FGD2: variants seen among roughly 807,000 people sequenced by gnomAD.
FGD2 encodes FYVE, RhoGEF and PH domain containing 2.
A neutral mutation model predicts 75.9 loss-of-function variants in FGD2; 52 were observed. The ratio of observed to expected loss-of-function variants is 0.69; its 90% CI spans 0.55 to 0.86. FGD2 has a LOEUF of 0.86. Ranked by LOEUF, FGD2 falls within the 40% of genes least tolerant of loss-of-function variation. The pLI is 0.00. For synonymous variants in FGD2, 347 were observed against 348.6 expected, an observed-to-expected ratio of 1.00 and a Z score of 0.05; for missense variants, 790 against 872.0, an observed-to-expected ratio of 0.91 and a Z score of 1.18.
chr6:37,028,177 G>A lies in FGD2; in HGVS notation c.*14G>A, dbSNP rs745537508. ...CTGTCCGACTGAGCCACTGCCAGCC[G>A]CTCTCCTGCCCACCTCTCCCCACCC... On this transcript the variant is annotated 3_prime_UTR_variant, in exon 16 of 16. Transcript: ENST00000274963. 1.8e-5 allele frequency: 27 copies of A among 1,535,708 alleles called. No individual in the cohort carries two copies. Among genetic ancestry groups the A allele is most frequent in the South Asian group, 1.3e-4 (11 of 81,880 alleles).
intron 14 of FGD2, among the ~76,000 whole-genome samples, chr6:37,027,038 G>A (rs1765859394): frequency 6.6e-6 from 1 of 151,644 alleles, no homozygotes; most frequent in Admixed American, 6.6e-5. Context: ...TTTTTCCACG[G>A]GCATCCACCC....
In FGD2 at chr6:37,025,870, T is replaced by C; in HGVS notation, c.1537T>C (p.Cys513Arg). The change falls in exon 14 of 16, where the codon TGC becomes CGC. Residue 513 changes from cysteine (C) to arginine (R), a missense_variant. Cys to Arg is a radical substitution (Grantham distance 180, BLOSUM62 -3). Coordinates refer to ENST00000274963, the MANE Select transcript of FGD2 (RefSeq NM_173558.4). ...CAGGCCCAACCGAGTCTGCCTCCAC[T>C]GCTACGCATTCCTCACTGGAAATGT... is the stretch of plus-strand genomic sequence containing the variant. The part of the protein sequence containing the change: ...DNRPNRVCLH[C>R]YAFLTGNVLP... 1 of 1,614,194 alleles carries C rather than the reference T, an allele frequency of 6.2e-7. No homozygotes were observed. The highest frequency in any genetic ancestry group is 2.2e-5 in the East Asian group (1 of 44,878).
At chr6:37,017,193 G>C (rs373766831) in intron 9 of FGD2, among the ~76,000 whole-genome samples, 1 of 151,884 alleles carries the variant, frequency 6.6e-6, no homozygotes, top group Admixed American at 6.6e-5. Context: ...GCTGCATTGC[G>C]TCCCACTGTG....
At chr6:37,015,691 G>T in intron 8 of FGD2, 77 bp from the exon 9 acceptor site, 10 of 1,376,546 alleles carry the variant, frequency 7.3e-6, no homozygotes, top group Non-Finnish European at 1.0e-5. Context: ...CCCATGCTCG[G>T]CCCACCCTCG....
chr6:37,012,573 A>G (rs147703268), intron 4 of FGD2, among the ~76,000 whole-genome samples: 2,332 of 152,074 alleles, frequency 0.015, 36 homozygotes, highest in Middle Eastern at 0.054. Flanking sequence ...TTAGCCGGGC[A>G]TGGTAGCAGG....
At position 37,011,091 on chromosome 6, in the gene FGD2, G is replaced by T. The variant is rs200428727; in HGVS notation, c.378+41G>T. The T allele has an allele frequency of 4.5e-4, 725 of 1,597,288 alleles. 2 individuals are homozygous for T. The highest frequency in any genetic ancestry group is 5.4e-4 in the Non-Finnish European group (632 of 1,165,352). On this transcript the variant is annotated intron_variant, in intron 3 of 15. Coordinates refer to ENST00000274963, the MANE Select transcript of FGD2 (RefSeq NM_173558.4). ...ACCCCCCTCTAGAGCCCCAGCCCTG[G>T]GTCTCCTCACCTCACCCCTTCTCAG...
At chr6:37,012,207 T>C (rs1765045282) in intron 4 of FGD2, among the ~76,000 whole-genome samples, 1 of 152,222 alleles carries the variant, frequency 6.6e-6, no homozygotes, top group African/African-American at 2.4e-5. Context: ...CAGCCTGCTG[T>C]GTGATGACGG....
intron 2 of FGD2, 38 bp from the exon 3 acceptor site, chr6:37,010,935 C>T: frequency 6.2e-7 from 1 of 1,600,644 alleles, no homozygotes; most frequent in Non-Finnish European, 8.6e-7. Flanking sequence ...AGCTGTCTTC[C>T]CCCTTTTTCT....
intron 11 of FGD2, among the ~76,000 whole-genome samples, chr6:37,021,147 TGTGC>T (rs1237230036): frequency 2.6e-5 from 4 of 152,130 alleles, no homozygotes; most frequent in Non-Finnish European, 4.4e-5. Flanking sequence ...TGTGTTTGTG[TGTGC>T]GTGCGTGTGT....
At chr6:37,014,530 C>A in intron 6 of FGD2, 116 bp from the exon 7 acceptor site, 1 of 1,203,446 alleles carries the variant, frequency 8.3e-7, no homozygotes. Flanking sequence ...GGCAGGGCTG[C>A]TCCTGGGGGC....
intron 2 of FGD2, 77 bp downstream of exon 2, chr6:37,009,142 C>T (rs1764891707): frequency 7.1e-7 from 1 of 1,399,856 alleles, no homozygotes; most frequent in Non-Finnish European, 9.8e-7. Flanking sequence ...CACATGCTTT[C>T]CTAGCCAGAG....
At position 37,014,946 on chromosome 6, in the gene FGD2, A is replaced by G. The variant is rs771645939; in HGVS notation, c.937A>G (p.Ile313Val). ...VYQRLGLEDD[I>V]VDPSNTLLRE... ...CCAGCGCCTGGGCCTCGAGGACGAC[A>G]TAGTAGACCCCTCTAACACCCTGCT... Residue 313 changes from isoleucine to valine, a missense_variant, in exon 8 of 16, where the codon ATA becomes GTA. By Grantham distance (29) the Ile-to-Val change is conservative. Transcript: ENST00000274963. The G allele has an allele frequency of 6.2e-7, 1 of 1,614,144 alleles. No individual in the cohort carries two copies. Among genetic ancestry groups the G allele is most frequent in the Non-Finnish European group, 8.5e-7 (1 of 1,180,010 alleles).
rs1316772282 is a variant in FGD2 at position 37,027,536 on chromosome 6, G to A, written c.1713G>A (p.Arg571=). The change falls in exon 15 of 16, where the codon CGG becomes CGA. Residue 571 remains arginine (R), a synonymous_variant. Transcript: ENST00000274963. ...CCCGGGGCTGGTGTGTGATCCCTCG[G>A]GATGACCCCCTCGTGCTCTATGTCT... ...SGPRGWCVIP[R]DDPLVLYVYA... The A allele has an allele frequency of 6.2e-7, 1 of 1,613,990 alleles. No individual in the cohort carries two copies. The highest frequency in any genetic ancestry group is 8.5e-7 in the Non-Finnish European group (1 of 1,180,016).
chr6:37,005,974 C>G, intron 1 of FGD2, 89 bp downstream of exon 1: 2 of 1,434,450 alleles, frequency 1.4e-6, no homozygotes, highest in Admixed American at 3.8e-5. Context: ...GGCCCTGCCC[C>G]GGACCCTCCT....
At position 37,020,598 on chromosome 6, in the gene FGD2, C is replaced by T. The variant is rs1040255077; in HGVS notation, c.1180C>T (p.Arg394Cys). The T allele has an allele frequency of 3.1e-6, 5 of 1,606,994 alleles. No individual in the cohort carries two copies. The highest frequency in any genetic ancestry group is 2.7e-5 in the African/African-American group (2 of 74,846). Residue 394 changes from arginine (R) to cysteine (C), a missense_variant, in exon 10 of 16, where the codon CGC becomes TGC. Arg to Cys is a radical substitution (Grantham distance 180). Transcript: ENST00000274963. ...CTCCTTCCTGGTGTCCGGGAAGCAG[C>T]GCACCCTGGAGCTGCAAGCCCGGTA... ...PHSFLVSGKQRTLELQARSQE... is the reference protein window; with the variant it reads ...PHSFLVSGKQCTLELQARSQE...
intron 12 of FGD2, chr6:37,021,973 T>C: frequency 1.9e-6 from 1 of 516,622 alleles, no homozygotes; most frequent in Non-Finnish European, 3.4e-6. Flanking sequence ...GAGTTCAGAT[T>C]TGAGCTGAAC....
intron 13 of FGD2, 101 bp downstream of exon 13, chr6:37,022,471 C>T: frequency 7.0e-7 from 1 of 1,420,460 alleles, no homozygotes; most frequent in Non-Finnish European, 9.2e-7. Flanking sequence ...TCCGCTTGAT[C>T]CACCTAGGCC....
At chr6:37,021,781 C>T in intron 12 of FGD2, 177 bp downstream of exon 12, 1 of 606,172 alleles carries the variant, frequency 1.6e-6, no homozygotes, top group Non-Finnish European at 2.9e-6. Flanking sequence ...GAGCATTCCC[C>T]TTTAGCAAAA....
Position 37,006,620 on chromosome 6 carries a change from G to A in FGD2, c.68+735G>A, listed in dbSNP as rs190506906. ...AGCATGTGTGTTTGTGTGTGTGCGC[G>A]TGTGTGTATGTGTGTGTTGTGTGTT... On this transcript the variant is annotated intron_variant, in intron 1 of 15. Transcript: ENST00000274963. Among the ~76,000 whole-genome samples the A allele has an allele frequency of 1.1e-4, 16 of 152,228 alleles. No homozygotes were observed. The East Asian group carries it at 2.7e-3, about 26-fold the overall frequency.
Sources: gnomAD v4.1 joint callset for allele counts (sites outside exome capture counted in the v4.1 genomes callset) on GRCh38, gnomAD v4.1.1 for gene constraint, MANE v1.5 for transcripts, NCBI Gene and HGNC (gene_info 2026-07-23, HGNC 2026-07-21) for gene names.